Variants in ARMH3 observed in about 807,000 individuals in gnomAD.
ARMH3 encodes the protein armadillo like helical domain containing 3, also known as armadillo-like helical domain-containing protein 3.
In ARMH3, 60 loss-of-function variants were observed where a neutral mutation model predicts 99.1. The ratio of observed to expected loss-of-function variants is 0.61; its 90% CI spans 0.49 to 0.75. The LOEUF (loss-of-function observed/expected upper bound fraction) is 0.75, where lower values mean the gene tolerates loss of function less well. Ranked by LOEUF, ARMH3 falls within the 30% of genes least tolerant of loss-of-function variation. ARMH3 has a pLI of 0.00. For missense variants in ARMH3, 679 were observed against 843.1 expected, an observed-to-expected ratio of 0.81 and a Z score of 2.41; for synonymous variants, 285 against 292.8, an observed-to-expected ratio of 0.97 and a Z score of 0.27.
At chr10:101,909,613 G>A (rs1191482388) in intron 23 of ARMH3, among the ~76,000 whole-genome samples, 1 of 151,766 alleles carries the variant, frequency 6.6e-6, no homozygotes, top group Admixed American at 6.6e-5. Context: ...GAAACCACAG[G>A]CGCGTGCCAC....
chr10:101,882,444 A>G (rs542223628), intron 24 of ARMH3, among the ~76,000 whole-genome samples: 7 of 152,230 alleles, frequency 4.6e-5, no homozygotes, highest in Non-Finnish European at 1.0e-4. Context: ...AAGATCCTCA[A>G]TGAGCATTTT....
At chr10:102,006,482 C>T in intron 14 of ARMH3, 58 bp downstream of exon 14, 1 of 1,549,694 alleles carries the variant, frequency 6.5e-7, no homozygotes, top group Admixed American at 1.7e-5. Flanking sequence ...CAGCTATGCT[C>T]ACTCTGAGAG....
chr10:101,946,042 AGCCTGGGCG>A (rs1844505061), intron 22 of ARMH3, among the ~76,000 whole-genome samples: 2 of 129,430 alleles, frequency 1.5e-5, no homozygotes, highest in Admixed American at 8.9e-5. Flanking sequence ...ACTGCACTCC[AGCCTGGGCG>A]ACAGAGTAAG....
intron 23 of ARMH3, among the ~76,000 whole-genome samples, chr10:101,895,676 A>T (rs967153283): frequency 6.6e-6 from 1 of 152,222 alleles, no homozygotes; most frequent in African/African-American, 2.4e-5. Flanking sequence ...GAAAAAGAAA[A>T]AGTGGATCAA....
Position 101,889,622 on chromosome 10 carries a change from C to T in ARMH3, c.1782-132G>A, listed in dbSNP as rs2067639141. 5 of 807,008 alleles carry T rather than the reference C, an allele frequency of 6.2e-6. No individual in the cohort carries two copies. The African/African-American group carries it at 8.4e-5, about 14-fold the overall frequency. The allele number at this position is 807,008 out of a possible 1,614,324, so 50.0% of individuals were successfully genotyped here. A position where few individuals can be genotyped will look rare whatever the true frequency, so the allele number is the denominator to read the frequency against. ...ACCGATTGTGACTGGGTAACTTCCT[C>T]TTATTGAACATGAGGTAGTCACAAA... On this transcript the variant is annotated intron_variant, in intron 23 of 25. Coordinates refer to ENST00000370033, the MANE Select transcript of ARMH3 (RefSeq NM_024541.3).
rs1314959912 is a variant in ARMH3, at chr10:101,995,344, G to A, written c.1162C>T (p.Leu388Phe). The A allele has an allele frequency of 1.2e-6, 2 of 1,613,558 alleles. No homozygotes were observed. Among genetic ancestry groups the A allele is most frequent in the African/African-American group, 2.7e-5 (2 of 74,898 alleles). ...VMQDTKDEHR[L>F]HSGKLCLIIL... ...ATCAGACAGAGTTTGCCACTGTGAA[G>A]CCTGTGTTCATCTGTAAAGAAAAAA... Residue 388 changes from leucine to phenylalanine, a missense_variant, in exon 16 of 26, where the codon CTT (leucine) becomes TTT (phenylalanine). By Grantham distance (22) the Leu-to-Phe change is conservative. Coordinates refer to ENST00000370033, the MANE Select transcript of ARMH3 (RefSeq NM_024541.3).
chr10:102,033,559 C>T (rs1164168781), intron 2 of ARMH3: 1 of 454,286 alleles, frequency 2.2e-6, no homozygotes, highest in Admixed American at 3.8e-5. Context: ...GCTGGGACTA[C>T]AGGCGCCCAC....
intron 19 of ARMH3, among the ~76,000 whole-genome samples, chr10:101,975,643 A>C (rs569492427): frequency 7.9e-5 from 12 of 152,126 alleles, no homozygotes; most frequent in Admixed American, 6.5e-4. Context: ...AGGCAGGCAG[A>C]TCACAAGGTC....
chr10:101,957,746 A>AG lies in ARMH3; in HGVS notation c.1496-15_1496-14insC. The AG allele has an allele frequency of 1.3e-6, 2 of 1,568,040 alleles. No individual in the cohort carries two copies. Among genetic ancestry groups the AG allele is most frequent in the South Asian group, 2.4e-5 (2 of 82,626 alleles). On this transcript the variant is annotated splice_polypyrimidine_tract_variant and intron_variant, in intron 20 of 25. Transcript: ENST00000370033. ...AATTTATCAAGGCTTTAAAAAAAAAAAAAAAGACATCAACAAGCTATTCAA... is the reference window on the plus strand; with the variant it reads ...AATTTATCAAGGCTTTAAAAAAAAAAGAAAAAGACATCAACAAGCTATTCAA...
At chr10:101,930,715 T>G (rs1374022268) in intron 23 of ARMH3, among the ~76,000 whole-genome samples, 1 of 152,184 alleles carries the variant, frequency 6.6e-6, no homozygotes, top group Non-Finnish European at 1.5e-5. Context: ...AATATTATTT[T>G]GTGTCTCTGG....
At position 102,053,057 on chromosome 10, in the gene ARMH3, A is replaced by T. The variant is rs1411598257; in HGVS notation, c.-12+3028T>A. ...GAAGTTGAATCAATCTCAGAAGTAC[A>T]GTATTTCCAAAATCCCCTCCTCTTC... On this transcript the variant is annotated intron_variant, in intron 1 of 25. Coordinates refer to ENST00000370033, the MANE Select transcript of ARMH3 (RefSeq NM_024541.3). Among the ~76,000 whole-genome samples the T allele has an allele frequency of 5.3e-5, 8 of 152,208 alleles. 2 individuals are homozygous for T. Among genetic ancestry groups the T allele is most frequent in the Admixed American group, 5.2e-4 (8 of 15,266 alleles).
intron 24 of ARMH3, among the ~76,000 whole-genome samples, chr10:101,852,207 G>T (rs145189282): frequency 1.3e-5 from 2 of 152,214 alleles, no homozygotes; most frequent in African/African-American, 4.8e-5. Context: ...CAATTTCTGC[G>T]AAAGAGGTTA....
intron 23 of ARMH3, among the ~76,000 whole-genome samples, chr10:101,931,937 G>A (rs949365779): frequency 1.1e-4 from 16 of 152,176 alleles, no homozygotes; most frequent in Middle Eastern, 3.2e-3. Context: ...AAAAACTTGT[G>A]CATCAAAGGA....
At chr10:101,976,383 A>ATCTCTCTC (rs542700143) in intron 19 of ARMH3, among the ~76,000 whole-genome samples, 142 of 131,432 alleles carry the variant, frequency 1.1e-3, no homozygotes, top group Non-Finnish European at 1.6e-3. Context: ...AGATTAATCA[A>ATCTCTCTC]TCTCTCTCTC....
chr10:101,898,378 G>GAAA (rs2067893182), intron 23 of ARMH3, among the ~76,000 whole-genome samples: 1 of 151,582 alleles, frequency 6.6e-6, no homozygotes, highest in African/African-American at 2.4e-5. Flanking sequence ...AAAAAAAGAA[G>GAAA]AAGAAAAAGA....
chr10:102,007,082 AC>A (rs1376419301), intron 13 of ARMH3, among the ~76,000 whole-genome samples: 2 of 144,480 alleles, frequency 1.4e-5, no homozygotes. Context: ...AATCACTTGA[AC>A]CCAGGAGGCG....
chr10:101,927,925 C>T lies in ARMH3; in HGVS notation c.1781+11938G>A, dbSNP rs567495889. Among the ~76,000 whole-genome samples the T allele has an allele frequency of 3.3e-5, 5 of 152,182 alleles. No homozygotes were observed. The East Asian group carries it at 9.7e-4, about 29-fold the overall frequency. ...CCATCTCTACCAACAATACAAAAAA[C>T]TAGCCGGGTGTGGTGGCACATCCCT... On this transcript the variant is annotated intron_variant, in intron 23 of 25. Transcript: ENST00000370033.
chr10:101,912,560 A>G (rs557127883), intron 23 of ARMH3, among the ~76,000 whole-genome samples: 1 of 152,284 alleles, frequency 6.6e-6, no homozygotes, highest in East Asian at 1.9e-4. Flanking sequence ...CATTTATTCT[A>G]GTAACTTGTA....
intron 23 of ARMH3, among the ~76,000 whole-genome samples, chr10:101,923,408 T>A (rs1590028638): frequency 6.6e-6 from 1 of 152,186 alleles, no homozygotes; most frequent in African/African-American, 2.4e-5. Context: ...CTGCCTCAGT[T>A]TCAGTTTCAG....
Sources: allele counts gnomAD v4.1 joint callset (sites outside exome capture counted in the v4.1 genomes callset), GRCh38; gene constraint gnomAD v4.1.1; transcripts MANE v1.5; gene names NCBI Gene and HGNC (gene_info 2026-07-23, HGNC 2026-07-21).